The following HNF4G variants were observed in gnomAD, a reference collection of about 807,000 sequenced individuals.
HNF4G encodes hepatocyte nuclear factor 4 gamma.
In HNF4G, 21 loss-of-function variants were observed where a neutral mutation model predicts 50.9. The ratio of observed to expected loss-of-function variants is 0.41; its 90% confidence interval spans 0.29 to 0.59. The LOEUF is 0.59. HNF4G is among the 20% of genes least tolerant of loss of function. HNF4G has a pLI of 0.26. For missense variants in HNF4G, 527 were observed against 559.4 expected (o/e 0.94, Z 0.58); for synonymous variants, 198 against 185.6 (o/e 1.07, Z -0.54).
upstream of HNF4G, among the ~76,000 whole-genome samples, chr8:75,538,345 A>G (rs936307148): frequency 1.3e-5 from 2 of 152,172 alleles, no homozygotes; most frequent in African/African-American, 4.8e-5. Context: ...GGATAAAACT[A>G]TGACAGCATT....
intron 3 of HNF4G, among the ~76,000 whole-genome samples, chr8:75,549,493 A>T (rs890017446): frequency 6.6e-5 from 10 of 150,694 alleles, no homozygotes; most frequent in Admixed American, 1.3e-4. Context: ...ACCAGTAAGT[A>T]TGATTTTAAA....
rs757778901 is a variant in HNF4G, at chr8:75,560,424, C to T, written c.1204C>T (p.Leu402Phe). The change falls in exon 9 of 10, where the codon CTT becomes TTT. Residue 402 changes from leucine (L) to phenylalanine (F), a missense_variant. Around this residue, in one of 5 missense-constraint regions of HNF4G, gnomAD observed 308 missense variants for 301.5 expected, o/e 1.02. Coordinates refer to ENST00000396423, the MANE Select transcript of HNF4G (RefSeq NM_004133.5). The stretch of plus-strand genomic sequence containing the variant: ...AGACCCATTAACTGGACAAACTATA[C>T]TTTTAGGTCCCATGTCAACACTGGT... ...SQDPLTGQTILLGPMSTLVHA... is the reference protein window; with the variant it reads ...SQDPLTGQTIFLGPMSTLVHA... The T allele has an allele frequency of 1.8e-5, 29 of 1,613,106 alleles. No individual in the cohort carries two copies. In the South Asian group the frequency reaches 2.7e-4, roughly 15 times the overall value.
intron 5 of HNF4G, among the ~76,000 whole-genome samples, chr8:75,555,126 A>G (rs1807075102): frequency 1.3e-5 from 2 of 152,194 alleles, no homozygotes; most frequent in African/African-American, 2.4e-5. Context: ...AACCATTCAA[A>G]GAGTTTTCAG....
upstream of HNF4G, among the ~76,000 whole-genome samples, chr8:75,536,091 A>C (rs2943541): frequency 0.66 from 100,146 of 151,674 alleles, 34,970 homozygotes; most frequent in African/African-American, 0.9. Context: ...GCTAAGATGG[A>C]ACATCTTAGC....
At chr8:75,417,257 G>A (rs973737773) in intron 1 of HNF4G, among the ~76,000 whole-genome samples, 3 of 152,188 alleles carry the variant, frequency 2.0e-5, no homozygotes, top group Non-Finnish European at 2.9e-5. Context: ...AACTCCTGGC[G>A]ACAAGTCATC....
rs1316037022 is a variant in HNF4G, at chr8:75,564,781, G to T, written c.*685G>T. On this transcript the variant is annotated 3_prime_UTR_variant, in exon 10 of 10. Transcript: ENST00000396423. ...GCTTTTATCAGTTAGGATACAGGGT[G>T]AACTGTAACAAAGAAACCCCTAAAA... 6.6e-6 allele frequency: 1 copy of T among 152,152 alleles called. No individual in the cohort carries two copies. Among genetic ancestry groups the T allele is most frequent in the East Asian group, 1.9e-4 (1 of 5,198 alleles). 9.4% of individuals were successfully genotyped at this position (152,152 alleles called of 1,614,324 possible).
intron 1 of HNF4G, among the ~76,000 whole-genome samples, chr8:75,465,701 A>G (rs761284162): frequency 3.9e-5 from 6 of 152,302 alleles, no homozygotes; most frequent in Non-Finnish European, 8.8e-5. Flanking sequence ...TACAACTAGT[A>G]GAAATAAGAA....
intron 1 of HNF4G, among the ~76,000 whole-genome samples, chr8:75,451,074 G>A (rs114742564): frequency 0.05 from 7,555 of 152,228 alleles, 272 homozygotes; most frequent in African/African-American, 0.09. Flanking sequence ...AAAACAGACT[G>A]AGACAATTAG....
intron 1 of HNF4G, among the ~76,000 whole-genome samples, chr8:75,423,372 C>T (rs1168103477): frequency 7.5e-5 from 9 of 119,588 alleles, no homozygotes; most frequent in East Asian, 2.9e-4. Flanking sequence ...TGGAGTCTCA[C>T]TCTGTTGCCC....
intron 2 of HNF4G, among the ~76,000 whole-genome samples, chr8:75,496,804 CTA>C (rs71567120): frequency 1.3e-3 from 191 of 148,232 alleles, no homozygotes; most frequent in South Asian, 1.7e-3. Flanking sequence ...TACATTATTA[CTA>C]TATATATATA....
chr8:75,431,391 C>G (rs1448895528), intron 1 of HNF4G, among the ~76,000 whole-genome samples: 3 of 152,102 alleles, frequency 2.0e-5, no homozygotes, highest in African/African-American at 7.2e-5. Flanking sequence ...ATGGTATAAT[C>G]ACAGAACGGC....
upstream of HNF4G, among the ~76,000 whole-genome samples, chr8:75,539,507 C>G (rs1000159178): frequency 6.6e-6 from 1 of 151,950 alleles, no homozygotes; most frequent in Non-Finnish European, 1.5e-5. Context: ...CTTGATTTAC[C>G]AAATTTATAG....
At chr8:75,498,625 T>C (rs1030189274) in intron 2 of HNF4G, among the ~76,000 whole-genome samples, 10 of 152,008 alleles carry the variant, frequency 6.6e-5, no homozygotes, top group Non-Finnish European at 7.4e-5. Context: ...CCAGCAATCT[T>C]ATGAATATAA....
chr8:75,417,379 A>C (rs967309322), intron 1 of HNF4G, among the ~76,000 whole-genome samples: 2 of 152,224 alleles, frequency 1.3e-5, no homozygotes, highest in Non-Finnish European at 2.9e-5. Context: ...AATTCTTTCA[A>C]TAACTCTATA....
chr8:75,433,955 G>T (rs78737588), intron 1 of HNF4G, among the ~76,000 whole-genome samples: 7,222 of 147,760 alleles, frequency 0.049, 190 homozygotes, highest in Middle Eastern at 0.067. Flanking sequence ...GAACCCTCTA[G>T]TTTGAAAATC....
At chr8:75,549,396 A>G (rs1256403370) in intron 3 of HNF4G, among the ~76,000 whole-genome samples, 1 of 152,114 alleles carries the variant, frequency 6.6e-6, no homozygotes, top group Non-Finnish European at 1.5e-5. Context: ...TAACATCTTA[A>G]TTTTTTATCT....
intron 4 of HNF4G, 145 bp from the exon 5 acceptor site, chr8:75,552,897 T>A (rs1056424120): frequency 1.9e-5 from 10 of 534,232 alleles, no homozygotes; most frequent in Middle Eastern, 4.9e-4. Context: ...ATTTTTCAAT[T>A]TAAAATGTTT....
intron 2 of HNF4G, among the ~76,000 whole-genome samples, chr8:75,525,045 A>G (rs1806141922): frequency 6.6e-6 from 1 of 152,186 alleles, no homozygotes; most frequent in African/African-American, 2.4e-5. Context: ...CTAAAGCCCC[A>G]GTTCTCAAAG....
intron 2 of HNF4G, among the ~76,000 whole-genome samples, chr8:75,524,038 A>G (rs1021094426): frequency 6.6e-6 from 1 of 151,982 alleles, no homozygotes; most frequent in East Asian, 1.9e-4. Flanking sequence ...TTATATAGAT[A>G]CAGAAAAGTG....
Sources: allele counts gnomAD v4.1 joint callset (sites outside exome capture counted in the v4.1 genomes callset), GRCh38; gene constraint gnomAD v4.1.1; regional missense constraint gnomAD v4.1.1; transcripts MANE v1.5; gene names NCBI Gene and HGNC (gene_info 2026-07-23, HGNC 2026-07-21).